Variants in CCND2 observed in about 807,000 individuals in gnomAD.
CCND2 encodes cyclin D2, also known as G1/S-specific cyclin-D2.
Under a neutral mutation model 30.2 loss-of-function variants are expected in CCND2, and 6 were observed. That is an observed-to-expected ratio of 0.20 (90% CI 0.11 to 0.39). The LOEUF (loss-of-function observed/expected upper bound fraction) is 0.39. Among genes scored for constraint, CCND2 ranks in the 10% least tolerant of loss-of-function variants. CCND2 has a pLI of 1.00. For synonymous variants in CCND2, 150 were observed against 153.1 expected (o/e 0.98, Z 0.15); for missense variants, 235 against 373.4 (o/e 0.63, Z 3.06).
rs1381315556 is a variant in CCND2 at position 4,276,368 on chromosome 12, C to T, written c.411+148C>T. 1.1e-5 allele frequency: 7 copies of T among 653,398 alleles called. No homozygotes were observed. The highest frequency in any genetic ancestry group is 1.8e-5 in the Non-Finnish European group (7 of 383,750). 40.5% of individuals were successfully genotyped at this position (653,398 alleles called of 1,614,324 possible). A position where few individuals can be genotyped will look rare whatever the true frequency, so the allele number is the denominator to read the frequency against. On this transcript the variant is annotated intron_variant, in intron 2 of 4. Transcript: ENST00000261254. The surrounding 1 kb of genome is among the most constrained non-coding windows in gnomAD (Gnocchi z 4.8). ...ATTTACCCACTTATGGGCGATAGCT[C>T]ATTTAATAGGAAACCACTGTTTATT...
At chr12:4,297,441 C>T (rs1183062290) in intron 4 of CCND2, among the ~76,000 whole-genome samples, 7 of 151,742 alleles carry the variant, frequency 4.6e-5, no homozygotes, top group South Asian at 4.2e-4. Flanking sequence ...CGTGGTGGCA[C>T]GTGCCTATAA....
At chr12:4,298,752 A>G (rs1864208203) in intron 4 of CCND2, among the ~76,000 whole-genome samples, 1 of 152,240 alleles carries the variant, frequency 6.6e-6, no homozygotes, top group African/African-American at 2.4e-5. Flanking sequence ...CAGAGGAGAG[A>G]GGCTAGAAAA....
Position 4,301,682 on chromosome 12 carries a change from TGG to T in CCND2, c.*1674_*1675del. The T allele has an allele frequency of 4.6e-6, 1 of 218,978 alleles. No homozygotes were observed. Among genetic ancestry groups the T allele is most frequent in the Non-Finnish European group, 8.8e-6 (1 of 113,224 alleles). The allele number at this position is 218,978 out of a possible 1,614,324, so 13.6% of individuals were successfully genotyped here. ...TTTTTTAATTTTGTTTTGTTCAGTT[TGG>T]TTTTTTTTTTTTTTTGCGCTGCTAA... is the stretch of plus-strand genomic sequence containing the variant. On this transcript the variant is annotated 3_prime_UTR_variant, in exon 5 of 5. Coordinates refer to ENST00000261254, the MANE Select transcript of CCND2 (RefSeq NM_001759.4).
In CCND2 at chr12:4,276,884, C is replaced by T. The variant is rs919355623; in HGVS notation, c.411+664C>T. 6.6e-6 allele frequency among the ~76,000 whole-genome samples: 1 copy of T among 152,260 alleles called. No homozygotes were observed. The highest frequency in any genetic ancestry group is 2.4e-5 in the African/African-American group (1 of 41,466). ...TCCCACCTGATCTAACTCCTTTTCC[C>T]TGCAGCTTGACATATAAGACGACCA... is the stretch of plus-strand genomic sequence containing the variant. On this transcript the variant is annotated intron_variant, in intron 2 of 4. Transcript: ENST00000261254. The surrounding 1 kb of genome is among the most constrained non-coding windows in gnomAD (Gnocchi z 4.8).
rs951951207 is a variant in CCND2, at chr12:4,278,771, G to A, written c.423G>A (p.Leu141=). The change falls in exon 3 of 5, where the codon CTG becomes CTA. Residue 141 remains leucine, a synonymous_variant. Coordinates refer to ENST00000261254, the MANE Select transcript of CCND2 (RefSeq NM_001759.4). ...GCCTTCCCCTCCAGGAGTGGGAACT[G>A]GTGGTGCTGGGGAAGTTGAAGTGGA... The part of the protein sequence containing the change: ...IKPQELLEWE[L]VVLGKLKWNL... 4 of 1,614,030 alleles carry A rather than the reference G, an allele frequency of 2.5e-6. No individual in the cohort carries two copies. The African/African-American group carries it at 4.0e-5, about 16-fold the overall frequency.
chr12:4,274,929 C>G lies in CCND2; in HGVS notation c.195+694C>G, dbSNP rs906400918. ...AACTCCCTTTGGAAAGGCTGGGAAA[C>G]GTCGCCCGCTTACCCTCGCACCCCA... is the stretch of plus-strand genomic sequence containing the variant. On this transcript the variant is annotated intron_variant, in intron 1 of 4. Coordinates refer to ENST00000261254, the MANE Select transcript of CCND2 (RefSeq NM_001759.4). The surrounding 1 kb of genome is among the most constrained non-coding windows in gnomAD (Gnocchi z 7.7). 1 of 152,416 alleles carries G rather than the reference C, an allele frequency of 6.6e-6. No individual in the cohort carries two copies. The highest frequency in any genetic ancestry group is 1.5e-5 in the Non-Finnish European group (1 of 68,218). The allele number at this position is 152,416 out of a possible 1,614,324, so 9.4% of individuals were successfully genotyped here.
Position 4,301,413 on chromosome 12 carries a change from ATT to A in CCND2, c.*1408_*1409del, listed in dbSNP as rs1864247639. 1 of 229,374 alleles carries A rather than the reference ATT, an allele frequency of 4.4e-6. No individual in the cohort carries two copies. The highest frequency in any genetic ancestry group is 8.5e-6 in the Non-Finnish European group (1 of 117,238). The allele number at this position is 229,374 out of a possible 1,614,324, so 14.2% of individuals were successfully genotyped here. On this transcript the variant is annotated 3_prime_UTR_variant, in exon 5 of 5. Transcript: ENST00000261254. ...GCAAAGTTGTATTCAGCGTACTTGAATTTTTCTTCCTCTCCACTTCTTAGAGG... is the reference window on the plus strand; with the variant it reads ...GCAAAGTTGTATTCAGCGTACTTGAATTTCTTCCTCTCCACTTCTTAGAGG...
At position 4,299,651 on chromosome 12, in the gene CCND2, G is replaced by T. The variant is rs952853427; in HGVS notation, c.721-209G>T. ...GAGATTCTGCGGTTCCAACAAGCTC[G>T]CAGGTGATGCTGATGCTGCCAGCCC... On this transcript the variant is annotated intron_variant, in intron 4 of 4. Transcript: ENST00000261254. This position sits in a 1 kb window ranked among gnomAD's most constrained non-coding sequence, Gnocchi z 5.2. Among the ~76,000 whole-genome samples, 1 of 152,192 alleles carries T rather than the reference G, an allele frequency of 6.6e-6. No individual in the cohort carries two copies. The highest frequency in any genetic ancestry group is 1.5e-5 in the Non-Finnish European group (1 of 68,024).
intron 4 of CCND2, chr12:4,297,801 A>T: frequency 4.5e-6 from 2 of 447,954 alleles, no homozygotes; most frequent in South Asian, 3.1e-5. Context: ...TAACCAGGAG[A>T]TGCCACAGGA....
At chr12:4,292,339 C>CA (rs1229189706) in intron 4 of CCND2, among the ~76,000 whole-genome samples, 2 of 152,278 alleles carry the variant, frequency 1.3e-5, no homozygotes, top group East Asian at 3.9e-4. Flanking sequence ...GAAGAGCTGA[C>CA]AGTTTCCCCC....
chr12:4,278,693 A>T (rs1308805287), intron 2 of CCND2, 67 bp from the exon 3 acceptor site: 1 of 1,555,592 alleles, frequency 6.4e-7, no homozygotes, highest in Admixed American at 1.7e-5. Flanking sequence ...CCCAACCCCC[A>T]GCCCCCTACA....
At chr12:4,280,897 A>C (rs1863939644) in intron 3 of CCND2, among the ~76,000 whole-genome samples, 1 of 152,158 alleles carries the variant, frequency 6.6e-6, no homozygotes. Flanking sequence ...GTGTGGGCAG[A>C]TCCCCAGATT....
chr12:4,298,924 T>C (rs746814861), intron 4 of CCND2, among the ~76,000 whole-genome samples: 2 of 152,226 alleles, frequency 1.3e-5, no homozygotes, highest in African/African-American at 4.8e-5. Flanking sequence ...CAATATAGAC[T>C]GATACTAAAG....
intron 4 of CCND2, among the ~76,000 whole-genome samples, chr12:4,292,919 G>T (rs1383050225): frequency 1.3e-5 from 2 of 152,128 alleles, no homozygotes; most frequent in African/African-American, 4.8e-5. Context: ...TGCCAGCATT[G>T]ATCTCACTGC....
intron 4 of CCND2, among the ~76,000 whole-genome samples, chr12:4,295,971 G>A (rs1005379366): frequency 1.3e-5 from 2 of 152,194 alleles, no homozygotes; most frequent in African/African-American, 4.8e-5. Flanking sequence ...CTCAAGTCCC[G>A]TGGCTCTGAA....
chr12:4,279,719 T>A (rs1274724549), intron 3 of CCND2, among the ~76,000 whole-genome samples: 3 of 151,162 alleles, frequency 2.0e-5, no homozygotes, highest in Non-Finnish European at 4.4e-5. Context: ...TCTACTGGTT[T>A]TTTGTTTTTT....
chr12:4,288,284 G>T (rs1286533857), intron 3 of CCND2, among the ~76,000 whole-genome samples: 3 of 143,348 alleles, frequency 2.1e-5, no homozygotes, highest in Non-Finnish European at 4.5e-5. Context: ...CTCAATGCCT[G>T]TCCAGAGACT....
Position 4,276,366 on chromosome 12 carries a change from C to G in CCND2, c.411+146C>G, listed in dbSNP as rs1284696135. On this transcript the variant is annotated intron_variant, in intron 2 of 4. Coordinates refer to ENST00000261254, the MANE Select transcript of CCND2 (RefSeq NM_001759.4). The surrounding 1 kb of genome is among the most constrained non-coding windows in gnomAD (Gnocchi z 4.8). The stretch of plus-strand genomic sequence containing the variant: ...GAATTTACCCACTTATGGGCGATAG[C>G]TCATTTAATAGGAAACCACTGTTTA... 3.0e-6 allele frequency: 2 copies of G among 658,900 alleles called. No individual in the cohort carries two copies. Among genetic ancestry groups the G allele is most frequent in the African/African-American group, 3.6e-5 (2 of 54,972 alleles). The allele number at this position is 658,900 out of a possible 1,614,324, so 40.8% of individuals were successfully genotyped here. A position where few individuals can be genotyped will look rare whatever the true frequency, so the allele number is the denominator to read the frequency against.
rs201699183 is a variant in CCND2 at position 4,284,377 on chromosome 12, CCTT to C, written c.572-4462_572-4460del. Among the ~76,000 whole-genome samples, 1,354 of 152,284 alleles carry C rather than the reference CCTT, an allele frequency of 8.9e-3. 17 individuals are homozygous for C. Among genetic ancestry groups the C allele is most frequent in the African/African-American group, 0.03 (1,263 of 41,508 alleles). Reference sequence around the variant, plus strand: ...AGGTGGTGGGATGGAGATTCCACCTCCTTCTGATTCCAGAGCTAATACTCTGAA... The same window carrying C: ...AGGTGGTGGGATGGAGATTCCACCTCCTGATTCCAGAGCTAATACTCTGAA... On this transcript the variant is annotated intron_variant, in intron 3 of 4. Transcript: ENST00000261254.
Sources: gnomAD v4.1 joint callset for allele counts (sites outside exome capture counted in the v4.1 genomes callset) on GRCh38, gnomAD v4.1.1 for gene constraint, Gnocchi (gnomAD v3.1) non-coding constraint, MANE v1.5 for transcripts, NCBI Gene and HGNC (gene_info 2026-07-23, HGNC 2026-07-21) for gene names.